The following SKIC3 variants were observed in gnomAD, a reference collection of about 807,000 sequenced individuals.
SKIC3 encodes the protein SKI3 subunit of superkiller complex.
chr5:95,543,243 C>A, the SKIC3 span: 1 of 1,613,980 alleles, frequency 6.2e-7, no homozygotes, highest in Non-Finnish European at 8.5e-7. Context: ...GCACTCTGGG[C>A]CTGATCAGGT....
chr5:95,498,037 C>T, the SKIC3 span, among the ~76,000 whole-genome samples: 4 of 152,204 alleles, frequency 2.6e-5, no homozygotes, highest in South Asian at 8.3e-4. Flanking sequence ...CTTTAAACGG[C>T]TGAAAATTAC....
chr5:95,512,607 T>G, the SKIC3 span: 5 of 1,613,898 alleles, frequency 3.1e-6, no homozygotes, highest in East Asian at 1.1e-4. Context: ...CATAACCTAA[T>G]GCTCCTTCAG....
the SKIC3 span, chr5:95,524,652 A>AAT: frequency 1.9e-6 from 3 of 1,603,132 alleles, no homozygotes; most frequent in Non-Finnish European, 2.5e-6. Context: ...ACCCACACGC[A>AAT]ATATAGGAGA....
the SKIC3 span, among the ~76,000 whole-genome samples, chr5:95,483,981 C>G: frequency 2.2e-4 from 34 of 152,168 alleles, no homozygotes; most frequent in Middle Eastern, 3.4e-3. Flanking sequence ...AGGAACCAAT[C>G]AGAAATCAAA....
chr5:95,495,139 A>G, the SKIC3 span: 1 of 827,790 alleles, frequency 1.2e-6, no homozygotes, highest in East Asian at 2.5e-5. Flanking sequence ...CACATTCACA[A>G]CTCCTAAACT....
chr5:95,473,735 T>C, the SKIC3 span, among the ~76,000 whole-genome samples: 44 of 152,348 alleles, frequency 2.9e-4, no homozygotes, highest in African/African-American at 1.0e-3. Flanking sequence ...TGTTTGTTAA[T>C]GTCCTTTAAC....
chr5:95,514,797 T>C, the SKIC3 span: 13 of 1,550,406 alleles, frequency 8.4e-6, no homozygotes, highest in African/African-American at 1.1e-4. Context: ...CTGTTATGCA[T>C]ATTAGTCAGT....
the SKIC3 span, among the ~76,000 whole-genome samples, chr5:95,466,928 T>G: frequency 2.6e-5 from 4 of 152,196 alleles, no homozygotes; most frequent in Admixed American, 2.6e-4. Context: ...ATCCATCAAT[T>G]TATAAAGAAA....
At chr5:95,523,382 C>G in the SKIC3 span, 1 of 1,542,066 alleles carries the variant, frequency 6.5e-7, no homozygotes, top group African/African-American at 1.4e-5. Flanking sequence ...AAAGACAGAA[C>G]GCTCATGTAA....
chr5:95,482,053 G>T, the SKIC3 span, among the ~76,000 whole-genome samples: 1 of 152,102 alleles, frequency 6.6e-6, no homozygotes, highest in African/African-American at 2.4e-5. Context: ...GTTGATTCAA[G>T]CATCAATCCT....
chr5:95,536,730 G>T, the SKIC3 span: 1 of 1,055,186 alleles, frequency 9.5e-7, no homozygotes, highest in Non-Finnish European at 1.5e-6. Flanking sequence ...CTTAAACATG[G>T]TAGACACTAA....
the SKIC3 span, chr5:95,525,695 C>T: frequency 6.2e-7 from 1 of 1,608,216 alleles, no homozygotes; most frequent in Non-Finnish European, 8.5e-7. Context: ...TTGTAAAGAA[C>T]TGCTATAAAT....
At chr5:95,495,643 G>A in the SKIC3 span, among the ~76,000 whole-genome samples, 1 of 152,122 alleles carries the variant, frequency 6.6e-6, no homozygotes, top group Admixed American at 6.5e-5. Context: ...GGTCTTCCAG[G>A]TCCTTTGAGC....
At chr5:95,491,116 G>A in the SKIC3 span, 3 of 1,536,626 alleles carry the variant, frequency 2.0e-6, no homozygotes, top group Non-Finnish European at 2.6e-6. Flanking sequence ...GAGATTAAGA[G>A]TTTACAAGTT....
chr5:95,516,306 A>G, the SKIC3 span: 1 of 1,600,546 alleles, frequency 6.2e-7, no homozygotes, highest in South Asian at 1.1e-5. Flanking sequence ...ACAATAATAT[A>G]GAAAACATTC....
the SKIC3 span, chr5:95,536,915 T>C: frequency 6.2e-7 from 1 of 1,613,634 alleles, no homozygotes; most frequent in Non-Finnish European, 8.5e-7. Context: ...TCTAGCAGAC[T>C]CATGAGGAAA....
At chr5:95,531,132 C>T in the SKIC3 span, among the ~76,000 whole-genome samples, 1 of 152,002 alleles carries the variant, frequency 6.6e-6, no homozygotes, top group Non-Finnish European at 1.5e-5. Flanking sequence ...CATGTAGAAC[C>T]ACTGTTTCAG....
chr5:95,532,884 G>A, the SKIC3 span, among the ~76,000 whole-genome samples: 14 of 151,774 alleles, frequency 9.2e-5, no homozygotes, highest in Non-Finnish European at 1.3e-4. Context: ...ACAAAAAGTC[G>A]GTTTTTAAAA....
At chr5:95,486,186 C>T in the SKIC3 span, among the ~76,000 whole-genome samples, 1 of 152,196 alleles carries the variant, frequency 6.6e-6, no homozygotes, top group Non-Finnish European at 1.5e-5. Flanking sequence ...CTCTACCAGG[C>T]TGTGTCTTGC....
Sources: allele counts gnomAD v4.1 joint callset (sites outside exome capture counted in the v4.1 genomes callset), GRCh38; gene constraint gnomAD v4.1.1; transcripts MANE v1.5; gene names NCBI Gene and HGNC (gene_info 2026-07-23, HGNC 2026-07-21).